Variants in PHF21A observed in about 807,000 individuals in gnomAD.
PHF21A encodes PHD finger protein 21A.
A neutral mutation model predicts 82.5 loss-of-function variants in PHF21A; 11 were observed. The observed-to-expected ratio is 0.13, with a 90% CI of 0.08 to 0.22. The LOEUF is 0.22. PHF21A is among the 10% of genes least tolerant of loss of function. The probability of loss-of-function intolerance (pLI) is 1.00; values close to 1 mark genes in which losing one functional copy is unlikely to be tolerated. For synonymous variants in PHF21A, 297 were observed against 302.8 expected (o/e 0.98, Z 0.20); for missense variants, 579 against 837.8 (o/e 0.69, Z 3.81).
At chr11:46,005,040 T>C (rs765620164) in intron 6 of PHF21A, among the ~76,000 whole-genome samples, 60 of 152,188 alleles carry the variant, frequency 3.9e-4, no homozygotes, top group Non-Finnish European at 6.8e-4. Flanking sequence ...AACACATGCA[T>C]GTATACACCC....
chr11:45,962,850 G>A (rs901586572), intron 10 of PHF21A, among the ~76,000 whole-genome samples: 1 of 151,602 alleles, frequency 6.6e-6, no homozygotes. Context: ...CCGGGATCGT[G>A]CCACTGCACT....
At chr11:46,028,449 T>G (rs2095795936) in intron 6 of PHF21A, among the ~76,000 whole-genome samples, 1 of 152,122 alleles carries the variant, frequency 6.6e-6, no homozygotes. Flanking sequence ...AATTATACAA[T>G]CTACTGCATT....
intron 6 of PHF21A, among the ~76,000 whole-genome samples, chr11:46,034,544 T>C (rs1048090191): frequency 2.6e-5 from 4 of 152,216 alleles, no homozygotes; most frequent in African/African-American, 7.2e-5. Flanking sequence ...TAATGTTATA[T>C]ATTAAATCTC....
chr11:46,113,843 A>AG (rs1410247676), intron 1 of PHF21A, among the ~76,000 whole-genome samples: 8 of 150,838 alleles, frequency 5.3e-5, no homozygotes, highest in African/African-American at 1.7e-4. Flanking sequence ...AAAAAAAAAA[A>AG]GTTTAATTGT....
At chr11:46,053,175 T>A (rs1308275704) in intron 6 of PHF21A, among the ~76,000 whole-genome samples, 4 of 152,182 alleles carry the variant, frequency 2.6e-5, no homozygotes, top group African/African-American at 9.7e-5. Context: ...TCCTGATAAA[T>A]GTTTGGTTTC....
chr11:45,963,248 C>T (rs2093221839), intron 10 of PHF21A, among the ~76,000 whole-genome samples: 2 of 151,484 alleles, frequency 1.3e-5, no homozygotes, highest in Admixed American at 6.6e-5. Flanking sequence ...GGTGAAACTC[C>T]GTCTCTACTA....
intron 6 of PHF21A, among the ~76,000 whole-genome samples, chr11:46,033,853 T>C (rs1418721323): frequency 6.6e-6 from 1 of 152,226 alleles, no homozygotes; most frequent in Admixed American, 6.5e-5. Context: ...TCTATTTCTA[T>C]TGGACAGTGC....
intron 4 of PHF21A, among the ~76,000 whole-genome samples, chr11:46,079,875 G>C (rs1482824809): frequency 6.7e-6 from 1 of 150,006 alleles, no homozygotes; most frequent in Non-Finnish European, 1.5e-5. Context: ...AAAGGAAAGA[G>C]GAAAGGAAAG....
At chr11:46,116,002 T>C (rs2097285004) in intron 1 of PHF21A, among the ~76,000 whole-genome samples, 1 of 152,162 alleles carries the variant, frequency 6.6e-6, no homozygotes, top group Non-Finnish European at 1.5e-5. Flanking sequence ...TATATTTACT[T>C]TCTAAAGGGG....
intron 5 of PHF21A, among the ~76,000 whole-genome samples, chr11:46,078,643 C>T (rs2135062594): frequency 6.6e-6 from 1 of 152,092 alleles, no homozygotes; most frequent in African/African-American, 2.4e-5. Context: ...AGGGTTCTTT[C>T]AAAAATAAAA....
chr11:46,050,147 T>C (rs1274799606), intron 6 of PHF21A, among the ~76,000 whole-genome samples: 1 of 152,264 alleles, frequency 6.6e-6, no homozygotes, highest in East Asian at 1.9e-4. Context: ...AAAGAAGAGA[T>C]ACTAGCTGTT....
intron 9 of PHF21A, among the ~76,000 whole-genome samples, chr11:45,966,457 CTAGCT>C (rs542576936): frequency 1.3e-4 from 20 of 152,080 alleles, no homozygotes; most frequent in Non-Finnish European, 2.2e-4. Context: ...ATCTACTATC[CTAGCT>C]TATGTTTGGC....
chr11:46,005,079 A>C (rs1159098854), intron 6 of PHF21A, among the ~76,000 whole-genome samples: 2 of 152,216 alleles, frequency 1.3e-5, no homozygotes, highest in African/African-American at 4.8e-5. Flanking sequence ...CCACATCAGT[A>C]ATTTCACTTT....
At position 46,081,372 on chromosome 11, in the gene PHF21A, C is replaced by T. The variant is rs540404215; in HGVS notation, c.55-2206G>A. On this transcript the variant is annotated intron_variant, in intron 4 of 18. Coordinates refer to ENST00000676320, the MANE Select transcript of PHF21A (RefSeq NM_001352027.3). ...ATACACATACATTTTTACATTAATG[C>T]TAGCCACAGTCTTCAATGAAAAAAG... 3.3e-5 allele frequency among the ~76,000 whole-genome samples: 5 copies of T among 152,264 alleles called. No homozygotes were observed. In the East Asian group the frequency reaches 9.6e-4, roughly 29 times the overall value.
At chr11:46,003,283 C>CAA (rs201895719) in intron 6 of PHF21A, among the ~76,000 whole-genome samples, 6 of 140,592 alleles carry the variant, frequency 4.3e-5, no homozygotes, top group Non-Finnish European at 8.0e-5. Context: ...GGCTAACATT[C>CAA]AAAAAAAAAA....
rs368337006 is a variant in PHF21A at position 46,008,971 on chromosome 11, C to CTT, written c.154-29007_154-29006dup. On this transcript the variant is annotated intron_variant, in intron 6 of 18. Transcript: ENST00000676320. ...ACTCAACAAATTGGTTCACATTTCA[C>CTT]TTTTTTTTTTTTTTTTTTTTTTGGA... is the stretch of plus-strand genomic sequence containing the variant. Among the ~76,000 whole-genome samples, 1,090 of 111,518 alleles carry CTT rather than the reference C, an allele frequency of 9.8e-3. 8 individuals carry two copies. Among genetic ancestry groups the CTT allele is most frequent in the East Asian group, 0.038 (126 of 3,348 alleles). 73.2% of individuals were successfully genotyped at this position (111,518 alleles called of 152,430 possible).
At chr11:46,053,973 C>T (rs930960336) in intron 6 of PHF21A, among the ~76,000 whole-genome samples, 5 of 152,138 alleles carry the variant, frequency 3.3e-5, no homozygotes, top group Admixed American at 2.6e-4. Context: ...GCAGCATCCA[C>T]GATTCCATTT....
At chr11:46,113,265 T>C (rs1474693182) in intron 1 of PHF21A, among the ~76,000 whole-genome samples, 2 of 152,208 alleles carry the variant, frequency 1.3e-5, no homozygotes, top group Non-Finnish European at 2.9e-5. Flanking sequence ...CTAGCACAAT[T>C]TGACTATATC....
intron 3 of PHF21A, among the ~76,000 whole-genome samples, chr11:46,086,157 C>T (rs1379284843): frequency 1.3e-5 from 2 of 151,066 alleles, no homozygotes; most frequent in Non-Finnish European, 2.9e-5. Context: ...CTCGCTCTGT[C>T]GCCCAGGCTG....
Sources: allele counts gnomAD v4.1 joint callset (sites outside exome capture counted in the v4.1 genomes callset), GRCh38; gene constraint gnomAD v4.1.1; transcripts MANE v1.5; gene names NCBI Gene and HGNC (gene_info 2026-07-23, HGNC 2026-07-21).